Variants in VSNL1 observed in about 807,000 individuals in gnomAD.
VSNL1 encodes the protein visinin-like protein 1.
VSNL1 carries 6 observed loss-of-function variants against 20.4 expected under a neutral mutation model. The ratio of observed to expected loss-of-function variants is 0.29; its 90% CI spans 0.16 to 0.58. VSNL1 has a LOEUF of 0.58. Ranked by LOEUF, VSNL1 falls within the 20% of genes least tolerant of loss-of-function variation. The pLI is 0.90. For missense variants in VSNL1, 100 were observed against 234.5 expected, an observed-to-expected ratio of 0.43 and a Z score of 3.75; for synonymous variants, 93 against 86.4, an observed-to-expected ratio of 1.08 and a Z score of -0.42.
intron 2 of VSNL1, among the ~76,000 whole-genome samples, chr2:17,606,881 G>C (rs758897442): frequency 6.6e-6 from 1 of 152,182 alleles, no homozygotes; most frequent in Non-Finnish European, 1.5e-5. Context: ...TCTGGGGTGG[G>C]AAGGATTCTG....
chr2:17,626,962 C>T (rs1665524559), intron 2 of VSNL1, among the ~76,000 whole-genome samples: 1 of 152,208 alleles, frequency 6.6e-6, no homozygotes, highest in African/African-American at 2.4e-5. Flanking sequence ...TGGGGTTGCC[C>T]CAAGAAGGCT....
intron 1 of VSNL1, among the ~76,000 whole-genome samples, chr2:17,553,065 A>G (rs1351574653): frequency 6.6e-6 from 1 of 152,072 alleles, no homozygotes; most frequent in Non-Finnish European, 1.5e-5. Flanking sequence ...GGGGAGGGGG[A>G]AAGAGAGAAA....
rs1666213508 is a variant in VSNL1 at position 17,655,513 on chromosome 2, GACT to G, written c.*122_*124del. On this transcript the variant is annotated 3_prime_UTR_variant, in exon 4 of 4. Coordinates refer to ENST00000295156, the MANE Select transcript of VSNL1 (RefSeq NM_003385.5). This position sits in a 1 kb window ranked among gnomAD's most constrained non-coding sequence, Gnocchi z 5.2. ...CACACACACACACAAATATTGCTTG[GACT>G]ACCTATAAATGGACTTGCTTCTTGT... 1 of 893,394 alleles carries G rather than the reference GACT, an allele frequency of 1.1e-6. No individual in the cohort carries two copies. The highest frequency in any genetic ancestry group is 1.8e-5 in the African/African-American group (1 of 56,518). 55.3% of individuals were successfully genotyped at this position (893,394 alleles called of 1,614,324 possible). A position where few individuals can be genotyped will look rare whatever the true frequency, so the allele number is the denominator to read the frequency against.
At chr2:17,653,344 G>A (rs1417366149) in intron 3 of VSNL1, among the ~76,000 whole-genome samples, 2 of 152,190 alleles carry the variant, frequency 1.3e-5, no homozygotes, top group Non-Finnish European at 2.9e-5. Flanking sequence ...TAGTGCACTT[G>A]TTTTGCTGCC....
chr2:17,600,452 A>G lies in VSNL1; in HGVS notation c.162+8216A>G, dbSNP rs563662614. Among the ~76,000 whole-genome samples the G allele has an allele frequency of 3.3e-5, 5 of 152,354 alleles. No homozygotes were observed. The East Asian group carries it at 9.6e-4, about 29-fold the overall frequency. ...ATAGTCCAGTTTATTGGGCTGTGGC[A>G]TCAAGAATTTTCTCTCATCAGATAT... On this transcript the variant is annotated intron_variant, in intron 2 of 3. Coordinates refer to ENST00000295156, the MANE Select transcript of VSNL1 (RefSeq NM_003385.5).
At chr2:17,557,869 T>C (rs1214821249) in intron 1 of VSNL1, among the ~76,000 whole-genome samples, 1 of 152,202 alleles carries the variant, frequency 6.6e-6, no homozygotes, top group Non-Finnish European at 1.5e-5. Context: ...TGTTACGTGC[T>C]CTTCCCAAAC....
chr2:17,555,960 T>C (rs964437895), intron 1 of VSNL1, among the ~76,000 whole-genome samples: 13 of 152,196 alleles, frequency 8.5e-5, no homozygotes, highest in African/African-American at 3.1e-4. Context: ...GCTAATGGTC[T>C]AAAGCAGGAG....
rs915106032 is a variant in VSNL1 at position 17,656,735 on chromosome 2, A to G, written c.*1341A>G. Reference sequence around the variant, plus strand: ...TTTTTACACAGCACTACCCGGTAGTACTTTCTCTGATGATGGGAAGGTCTA... The same window carrying G: ...TTTTTACACAGCACTACCCGGTAGTGCTTTCTCTGATGATGGGAAGGTCTA... On this transcript the variant is annotated 3_prime_UTR_variant, in exon 4 of 4. Coordinates refer to ENST00000295156, the MANE Select transcript of VSNL1 (RefSeq NM_003385.5). 6.6e-6 allele frequency: 1 copy of G among 152,182 alleles called. No individual in the cohort carries two copies. Among genetic ancestry groups the G allele is most frequent in the Non-Finnish European group, 1.5e-5 (1 of 68,024 alleles). 9.4% of individuals were successfully genotyped at this position (152,182 alleles called of 1,614,324 possible).
At chr2:17,547,415 G>T (rs1663428038) in intron 1 of VSNL1, among the ~76,000 whole-genome samples, 1 of 151,966 alleles carries the variant, frequency 6.6e-6, no homozygotes, top group Non-Finnish European at 1.5e-5. Context: ...TCCGTTCATT[G>T]CACAACTTCT....
chr2:17,604,281 G>T (rs1013757907), intron 2 of VSNL1, among the ~76,000 whole-genome samples: 1 of 152,240 alleles, frequency 6.6e-6, no homozygotes, highest in African/African-American at 2.4e-5. Flanking sequence ...GCAGGCGGTG[G>T]GCAGGGCCTT....
intron 1 of VSNL1, among the ~76,000 whole-genome samples, chr2:17,578,934 A>G (rs1034737018): frequency 3.3e-5 from 5 of 152,136 alleles, no homozygotes; most frequent in Non-Finnish European, 7.4e-5. Flanking sequence ...CAAAACCCTA[A>G]GAAGGAACAC....
At chr2:17,576,015 C>G (rs1468376177) in intron 1 of VSNL1, among the ~76,000 whole-genome samples, 1 of 152,144 alleles carries the variant, frequency 6.6e-6, no homozygotes, top group Non-Finnish European at 1.5e-5. Context: ...ATTTGTCCCT[C>G]TCATTGGGTC....
intron 1 of VSNL1, among the ~76,000 whole-genome samples, chr2:17,568,707 T>C (rs1230296985): frequency 6.6e-6 from 1 of 152,202 alleles, no homozygotes; most frequent in Non-Finnish European, 1.5e-5. Flanking sequence ...ACTACTTCAT[T>C]CTGGTTTCAG....
chr2:17,591,938 T>G, intron 1 of VSNL1, 132 bp from the exon 2 acceptor site: 1 of 875,284 alleles, frequency 1.1e-6, no homozygotes. Context: ...GAGGCAGACT[T>G]GGGAAGATAT....
intron 2 of VSNL1, among the ~76,000 whole-genome samples, chr2:17,646,770 A>C (rs1485781788): frequency 6.6e-6 from 1 of 152,226 alleles, no homozygotes; most frequent in Non-Finnish European, 1.5e-5. Context: ...AGAGTACGCA[A>C]AAAAAGAAAA....
chr2:17,596,516 GTC>G (rs1261078516), intron 2 of VSNL1, among the ~76,000 whole-genome samples: 9 of 152,162 alleles, frequency 5.9e-5, no homozygotes, highest in Non-Finnish European at 1.3e-4. Flanking sequence ...GGGAAGAAGT[GTC>G]TCCATCCCAG....
chr2:17,551,225 C>A (rs539327849), intron 1 of VSNL1, among the ~76,000 whole-genome samples: 1 of 152,116 alleles, frequency 6.6e-6, no homozygotes, highest in Non-Finnish European at 1.5e-5. Flanking sequence ...TTCTCTGCCC[C>A]CTCCCTAGAA....
intron 1 of VSNL1, among the ~76,000 whole-genome samples, chr2:17,591,228 T>C (rs752029137): frequency 2.3e-4 from 35 of 152,162 alleles, no homozygotes; most frequent in Admixed American, 3.3e-4. Flanking sequence ...AAGTAACACA[T>C]GTAGTAATTG....
At chr2:17,626,065 C>A (rs569090272) in intron 2 of VSNL1, among the ~76,000 whole-genome samples, 1 of 151,996 alleles carries the variant, frequency 6.6e-6, no homozygotes, top group Non-Finnish European at 1.5e-5. Flanking sequence ...GTGATCCGCC[C>A]GCCTCAGCTT....
Sources: allele counts gnomAD v4.1 joint callset (sites outside exome capture counted in the v4.1 genomes callset), GRCh38; gene constraint gnomAD v4.1.1; non-coding constraint Gnocchi (gnomAD v3.1); transcripts MANE v1.5; gene names NCBI Gene and HGNC (gene_info 2026-07-23, HGNC 2026-07-21).